Variants in ASIC2 observed in about 807,000 individuals in gnomAD.
ASIC2 encodes acid sensing ion channel subunit 2.
A neutral mutation model predicts 57.3 loss-of-function variants in ASIC2; 25 were observed. That is an observed-to-expected ratio of 0.44 (90% CI 0.32 to 0.61). The LOEUF (loss-of-function observed/expected upper bound fraction) is 0.61. Among genes scored for constraint, ASIC2 ranks in the 20% least tolerant of loss-of-function variants. The pLI, the probability that ASIC2 is intolerant of heterozygous loss-of-function variation, is 0.06. For missense variants in ASIC2, 641 were observed against 738.1 expected, an observed-to-expected ratio of 0.87 and a Z score of 1.52; for synonymous variants, 319 against 307.5, an observed-to-expected ratio of 1.04 and a Z score of -0.39.
chr17:33,712,635 G>GTTTTTTTTTTT (rs1567695931), intron 1 of ASIC2, among the ~76,000 whole-genome samples: 63 of 123,318 alleles, frequency 5.1e-4, no homozygotes, highest in African/African-American at 1.9e-3. Context: ...TACTCATATG[G>GTTTTTTTTTTT]CTTTTTTTTT....
At chr17:33,595,446 T>C (rs1354606714) in intron 1 of ASIC2, among the ~76,000 whole-genome samples, 2 of 152,186 alleles carry the variant, frequency 1.3e-5, no homozygotes, top group Non-Finnish European at 1.5e-5. Context: ...TGTGACAGAG[T>C]ACACCTTAGA....
chr17:33,854,735 A>T (rs1480960004), intron 1 of ASIC2, among the ~76,000 whole-genome samples: 1 of 152,094 alleles, frequency 6.6e-6, no homozygotes, highest in African/African-American at 2.4e-5. Flanking sequence ...TGCACAGCTG[A>T]GTCAGCTGGG....
chr17:33,758,106 A>C (rs1013514187), intron 1 of ASIC2, among the ~76,000 whole-genome samples: 2 of 152,250 alleles, frequency 1.3e-5, no homozygotes, highest in African/African-American at 4.8e-5. Flanking sequence ...ACAAAACCGC[A>C]AACACTGTAC....
At chr17:33,248,986 G>A (rs1353940891) in intron 1 of ASIC2, among the ~76,000 whole-genome samples, 1 of 152,168 alleles carries the variant, frequency 6.6e-6, no homozygotes, top group African/African-American at 2.4e-5. Context: ...AGAAAGTCCT[G>A]CTAGGGGGCT....
At chr17:33,438,198 G>C (rs571012083) in intron 1 of ASIC2, among the ~76,000 whole-genome samples, 1 of 152,256 alleles carries the variant, frequency 6.6e-6, no homozygotes, top group East Asian at 1.9e-4. Context: ...ACCACAAAAA[G>C]ACTCTTCCCT....
intron 1 of ASIC2, among the ~76,000 whole-genome samples, chr17:33,414,036 G>A (rs1910752427): frequency 2.0e-5 from 3 of 152,168 alleles, no homozygotes. Flanking sequence ...TGGGCCCTGA[G>A]CTTGCAGTAG....
At position 33,429,580 on chromosome 17, in the gene ASIC2, C is replaced by T. The variant is rs183617530; in HGVS notation, c.556-317513G>A. ...TAATTGTTTGTATTTTTAGTAGAGA[C>T]GGGGTTTCACTGTGTTAGCCAGGAT... is the stretch of plus-strand genomic sequence containing the variant. On this transcript the variant is annotated intron_variant, in intron 1 of 9. Transcript: ENST00000359872. Among the ~76,000 whole-genome samples, 32 of 152,032 alleles carry T rather than the reference C, an allele frequency of 2.1e-4. No individual in the cohort carries two copies. In the East Asian group the frequency reaches 3.1e-3, roughly 15 times the overall value.
intron 1 of ASIC2, among the ~76,000 whole-genome samples, chr17:33,578,914 G>C (rs1378139832): frequency 1.3e-5 from 2 of 152,196 alleles, no homozygotes; most frequent in Non-Finnish European, 1.5e-5. Flanking sequence ...AAGAAAAGAT[G>C]GATGGGGTCA....
At chr17:33,516,169 G>A (rs546063321) in intron 1 of ASIC2, among the ~76,000 whole-genome samples, 5 of 151,308 alleles carry the variant, frequency 3.3e-5, no homozygotes, top group African/African-American at 4.8e-5. Flanking sequence ...AACGCAGAGC[G>A]CAGTGTCCAG....
At chr17:33,242,998 T>C (rs575679928) in intron 1 of ASIC2, among the ~76,000 whole-genome samples, 13 of 152,288 alleles carry the variant, frequency 8.5e-5, no homozygotes, top group African/African-American at 3.1e-4. Context: ...GCCATTTCTG[T>C]TGCCGTGGCC....
At chr17:33,416,417 CA>C (rs1370331473) in intron 1 of ASIC2, among the ~76,000 whole-genome samples, 1 of 152,200 alleles carries the variant, frequency 6.6e-6, no homozygotes, top group Non-Finnish European at 1.5e-5. Flanking sequence ...GTGGCATCAC[CA>C]ATCTTCTCTG....
intron 1 of ASIC2, among the ~76,000 whole-genome samples, chr17:33,812,770 T>C (rs183920246): frequency 1.8e-3 from 271 of 152,334 alleles, no homozygotes; most frequent in African/African-American, 6.5e-3. Context: ...CTACCCACAT[T>C]AGACCTAGGA....
At chr17:33,699,919 G>A (rs907543299) in intron 1 of ASIC2, among the ~76,000 whole-genome samples, 2 of 152,082 alleles carry the variant, frequency 1.3e-5, no homozygotes, top group Non-Finnish European at 2.9e-5. Context: ...TTTTTAGCAA[G>A]TTAGCCAATT....
chr17:33,082,712 AT>A (rs2092117963), intron 3 of ASIC2, among the ~76,000 whole-genome samples: 1 of 150,218 alleles, frequency 6.7e-6, no homozygotes, highest in African/African-American at 2.5e-5. Context: ...AAATAAATAA[AT>A]AAATAAATAA....
At chr17:33,534,925 G>A (rs1376595980) in intron 1 of ASIC2, among the ~76,000 whole-genome samples, 1 of 152,250 alleles carries the variant, frequency 6.6e-6, no homozygotes, top group Non-Finnish European at 1.5e-5. Context: ...AATACTCCTG[G>A]TTCAAATGCA....
At chr17:34,039,233 TTGTGAGGTCGGACTGGGTCTGTCTG>T in intron 1 of ASIC2, 1 of 1,614,012 alleles carries the variant, frequency 6.2e-7, no homozygotes, top group Non-Finnish European at 8.5e-7. Flanking sequence ...ATTTTTTCTA[TTGTGAGGTCGGACTGGGTCTGTCTG>T]TGCTGGATGG....
In ASIC2 at chr17:33,292,698, C is replaced by A; in HGVS notation, c.-583G>T. On this transcript the variant is annotated 5_prime_UTR_variant, in exon 1 of 10. The change creates a new upstream start codon in the 5' untranslated region. Coordinates refer to ENST00000225823, the MANE Select transcript of ASIC2 (RefSeq NM_183377.2). ...CGCCCCCAGAGGCGCACCGCGGCTC[C>A]TGGCTGGGCGGGCGGGGTGGGTGTG... 2.0e-6 allele frequency: 2 copies of A among 985,568 alleles called. No homozygotes were observed. Among genetic ancestry groups the A allele is most frequent in the Non-Finnish European group, 2.4e-6 (2 of 830,036 alleles). 61.1% of individuals were successfully genotyped at this position (985,568 alleles called of 1,614,324 possible). A position where few individuals can be genotyped will look rare whatever the true frequency, so the allele number is the denominator to read the frequency against.
chr17:34,024,930 CTT>C (rs1229000836), intron 1 of ASIC2, among the ~76,000 whole-genome samples: 3 of 152,172 alleles, frequency 2.0e-5, no homozygotes, highest in Non-Finnish European at 4.4e-5. Flanking sequence ...AAGAGAAACT[CTT>C]TTCTCAAGCA....
intron 1 of ASIC2, among the ~76,000 whole-genome samples, chr17:33,471,739 A>G (rs1209376771): frequency 6.6e-6 from 1 of 152,200 alleles, no homozygotes; most frequent in Non-Finnish European, 1.5e-5. Flanking sequence ...AATTAAGAGG[A>G]GGCAAATGTG....
Sources: allele counts gnomAD v4.1 joint callset (sites outside exome capture counted in the v4.1 genomes callset), GRCh38; gene constraint gnomAD v4.1.1; transcripts MANE v1.5; gene names NCBI Gene and HGNC (gene_info 2026-07-23, HGNC 2026-07-21).